MPPED2: variants seen among roughly 807,000 people sequenced by gnomAD.
The protein encoded by MPPED2 is metallophosphoesterase MPPED2.
A neutral mutation model predicts 33.0 loss-of-function variants in MPPED2; 5 were observed. The ratio of observed to expected loss-of-function variants is 0.15; its 90% CI spans 0.08 to 0.32. MPPED2 has a LOEUF of 0.32. MPPED2 is among the 10% of genes least tolerant of loss of function. MPPED2 has a pLI of 1.00. For synonymous variants in MPPED2, 136 were observed against 141.9 expected (o/e 0.96, Z 0.29); for missense variants, 275 against 372.1 (o/e 0.74, Z 2.15).
intron 4 of MPPED2, among the ~76,000 whole-genome samples, chr11:30,423,617 C>G (rs1036957452): frequency 2.0e-5 from 3 of 152,188 alleles, no homozygotes; most frequent in Non-Finnish European, 4.4e-5. Flanking sequence ...CAAACAGACC[C>G]AAGTTCAAGT....
intron 3 of MPPED2, among the ~76,000 whole-genome samples, chr11:30,515,130 T>G (rs1953453532): frequency 6.6e-6 from 1 of 152,146 alleles, no homozygotes; most frequent in African/African-American, 2.4e-5. Context: ...TACGTTAACC[T>G]ACCTCATCTT....
chr11:30,586,493 C>A (rs572967704), upstream of MPPED2, among the ~76,000 whole-genome samples: 2 of 152,180 alleles, frequency 1.3e-5, no homozygotes, highest in African/African-American at 2.4e-5. This position sits in a 1 kb window ranked among gnomAD's most constrained non-coding sequence, Gnocchi z 4.8. Flanking sequence ...GGACCCCCAC[C>A]GGTGCCCCGA....
chr11:30,486,051 C>T (rs1951730322), intron 4 of MPPED2, among the ~76,000 whole-genome samples: 1 of 152,186 alleles, frequency 6.6e-6, no homozygotes, highest in South Asian at 2.1e-4. Context: ...GAAGGAGCAA[C>T]CTCATCTCTC....
chr11:30,573,303 T>C (rs1257520960), intron 2 of MPPED2, among the ~76,000 whole-genome samples: 2 of 152,306 alleles, frequency 1.3e-5, no homozygotes, highest in Admixed American at 1.3e-4. Flanking sequence ...CTGCCAGTGG[T>C]ATAAAGTATA....
At chr11:30,440,330 CAAA>C (rs34148273) in intron 4 of MPPED2, among the ~76,000 whole-genome samples, 1 of 123,132 alleles carries the variant, frequency 8.1e-6, no homozygotes, top group African/African-American at 3.3e-5. Flanking sequence ...ACTCCGTCTC[CAAA>C]AAAAAAAAAA....
chr11:30,415,800 T>A (rs1948323788), intron 5 of MPPED2, among the ~76,000 whole-genome samples: 1 of 152,250 alleles, frequency 6.6e-6, no homozygotes, highest in African/African-American at 2.4e-5. Flanking sequence ...TTTGCTTTTA[T>A]ACCAAAATCA....
chr11:30,453,445 T>G (rs959376563), intron 4 of MPPED2, among the ~76,000 whole-genome samples: 4 of 152,210 alleles, frequency 2.6e-5, no homozygotes, highest in Non-Finnish European at 1.5e-5. Flanking sequence ...CTTTATTTTA[T>G]TTCTGGGACA....
intron 4 of MPPED2, among the ~76,000 whole-genome samples, chr11:30,482,859 T>A (rs1951552907): frequency 6.6e-6 from 1 of 152,214 alleles, no homozygotes; most frequent in Admixed American, 6.5e-5. Flanking sequence ...TCCTATGAAC[T>A]GTTTCTATTT....
chr11:30,471,511 C>T (rs1229901600), intron 4 of MPPED2, among the ~76,000 whole-genome samples: 2 of 152,178 alleles, frequency 1.3e-5, no homozygotes, highest in East Asian at 1.9e-4. Context: ...CTTCCAGATT[C>T]GTCTCAGTCT....
rs540720976 is a variant in MPPED2, at chr11:30,538,296, C to A, written c.129-2121G>T. 6.6e-5 allele frequency among the ~76,000 whole-genome samples: 10 copies of A among 152,314 alleles called. No individual in the cohort carries two copies. In the East Asian group the frequency reaches 1.9e-3, roughly 29 times the overall value. Reference sequence around the variant, plus strand: ...CTCAGCTAAGCTACAGACCCAGCTACTGCATCAAAATCCTTTGGGAGGTCA... The same window carrying A: ...CTCAGCTAAGCTACAGACCCAGCTAATGCATCAAAATCCTTTGGGAGGTCA... On this transcript the variant is annotated intron_variant, in intron 2 of 6. Coordinates refer to ENST00000358117, the MANE Select transcript of MPPED2 (RefSeq NM_001584.3).
chr11:30,467,113 G>T (rs1391066480), intron 4 of MPPED2, among the ~76,000 whole-genome samples: 2 of 152,124 alleles, frequency 1.3e-5, no homozygotes, highest in Non-Finnish European at 2.9e-5. Context: ...GTATGTGATG[G>T]TTTAAACAGA....
In MPPED2 at chr11:30,401,432, G is replaced by T. The variant is rs16920610; in HGVS notation, c.767-12476C>A. Among the ~76,000 whole-genome samples the T allele has an allele frequency of 4.0e-3, 612 of 152,256 alleles. 5 individuals are homozygous for T. Among genetic ancestry groups the T allele is most frequent in the African/African-American group, 0.014 (581 of 41,534 alleles). ...TGAGAAGATACAGATGTCCAGTGCT[G>T]ACCTCAATCTAACTTCCTTTAAGTG... On this transcript the variant is annotated intron_variant, in intron 6 of 6. Coordinates refer to the MPPED2 transcript ENST00000448418.
intron 3 of MPPED2, among the ~76,000 whole-genome samples, chr11:30,521,786 C>T (rs1244330330): frequency 6.6e-6 from 1 of 152,124 alleles, no homozygotes; most frequent in Non-Finnish European, 1.5e-5. Flanking sequence ...GAGTCCCACC[C>T]TTCTTGTATG....
intron 3 of MPPED2, among the ~76,000 whole-genome samples, chr11:30,520,773 T>C (rs1351512102): frequency 1.3e-5 from 2 of 152,222 alleles, no homozygotes; most frequent in Admixed American, 1.3e-4. Context: ...TTTTATGATG[T>C]TCCAGAAAAT....
chr11:30,528,318 C>T (rs1019397345), intron 3 of MPPED2, among the ~76,000 whole-genome samples: 24 of 152,104 alleles, frequency 1.6e-4, no homozygotes, highest in African/African-American at 2.7e-4. Flanking sequence ...TGCAGTAGCA[C>T]GATCTTGGCT....
At chr11:30,519,792 C>T (rs1265943333) in intron 3 of MPPED2, among the ~76,000 whole-genome samples, 2 of 152,098 alleles carry the variant, frequency 1.3e-5, no homozygotes, top group Non-Finnish European at 2.9e-5. Context: ...CCATCACCAT[C>T]ACCACCACTA....
chr11:30,415,935 A>G (rs1948333593), intron 5 of MPPED2, among the ~76,000 whole-genome samples: 1 of 152,252 alleles, frequency 6.6e-6, no homozygotes, highest in Non-Finnish European at 1.5e-5. Flanking sequence ...TCATGCCTGC[A>G]CCCAATTAGG....
intron 4 of MPPED2, among the ~76,000 whole-genome samples, chr11:30,493,018 G>A (rs1952053261): frequency 6.6e-6 from 1 of 152,144 alleles, no homozygotes; most frequent in Admixed American, 6.5e-5. Context: ...ACTTAATTAA[G>A]AGTTCAAAAT....
intron 3 of MPPED2, among the ~76,000 whole-genome samples, chr11:30,528,984 A>G (rs1954358067): frequency 6.6e-6 from 1 of 152,204 alleles, no homozygotes; most frequent in African/African-American, 2.4e-5. Context: ...GATGTTTGCA[A>G]AGAGAGAGCA....
Sources: gnomAD v4.1 joint callset for allele counts (sites outside exome capture counted in the v4.1 genomes callset) on GRCh38, gnomAD v4.1.1 for gene constraint, Gnocchi (gnomAD v3.1) non-coding constraint, MANE v1.5 for transcripts, NCBI Gene and HGNC (gene_info 2026-07-23, HGNC 2026-07-21) for gene names.